GPC5: variants seen among roughly 807,000 people sequenced by gnomAD.
The protein encoded by GPC5 is glypican 5.
Under a neutral mutation model 53.9 loss-of-function variants are expected in GPC5, and 47 were observed. The observed-to-expected ratio is 0.87, with a 90% CI of 0.69 to 1.11. The LOEUF (loss-of-function observed/expected upper bound fraction) is 1.11. Among genes scored for constraint, GPC5 ranks in the 50% most tolerant of loss-of-function variants. The pLI is 0.00. For synonymous variants in GPC5, 286 were observed against 263.3 expected (o/e 1.09, Z -0.84); for missense variants, 748 against 713.1 (o/e 1.05, Z -0.56).
chr13:92,033,203 G>A (rs2040867859), intron 6 of GPC5, among the ~76,000 whole-genome samples: 1 of 152,122 alleles, frequency 6.6e-6, no homozygotes, highest in South Asian at 2.1e-4. Flanking sequence ...ATTTGATTTT[G>A]TTCAAAATCT....
intron 7 of GPC5, among the ~76,000 whole-genome samples, chr13:92,653,065 A>C (rs2007557): frequency 6.6e-6 from 1 of 152,014 alleles, no homozygotes; most frequent in Admixed American, 6.5e-5. Flanking sequence ...CCTAGGACTC[A>C]CCAACACTGG....
At chr13:92,614,591 C>A (rs530955459) in intron 7 of GPC5, among the ~76,000 whole-genome samples, 1 of 152,136 alleles carries the variant, frequency 6.6e-6, no homozygotes, top group African/African-American at 2.4e-5. Flanking sequence ...CAGAGAAAAC[C>A]ATCCGCTTAC....
At chr13:91,631,538 A>G (rs960870310) in intron 2 of GPC5, among the ~76,000 whole-genome samples, 3 of 152,088 alleles carry the variant, frequency 2.0e-5, no homozygotes, top group African/African-American at 7.2e-5. Flanking sequence ...TGCTTTGGTT[A>G]AAAAATATCT....
rs145356165 is a variant in GPC5 at position 92,775,618 on chromosome 13, T to C, written c.1562-90664T>C. Among the ~76,000 whole-genome samples, 257 of 152,268 alleles carry C rather than the reference T, an allele frequency of 1.7e-3. 3 individuals carry two copies. The highest frequency in any genetic ancestry group is 0.011 in the South Asian group (51 of 4,830). The stretch of plus-strand genomic sequence containing the variant: ...CTTAGTTAAGTGACTTCAATCACAA[T>C]ACCTCCTTCCTCTCCTTTCCCTCAT... On this transcript the variant is annotated intron_variant, in intron 7 of 7. Transcript: ENST00000377067.
intron 1 of GPC5, among the ~76,000 whole-genome samples, chr13:91,402,098 T>G (rs531961973): frequency 2.0e-5 from 3 of 152,316 alleles, no homozygotes; most frequent in Admixed American, 2.0e-4. Flanking sequence ...GCATTGTGCA[T>G]TGTTCACACA....
chr13:92,752,956 A>C (rs1874652484), intron 7 of GPC5, among the ~76,000 whole-genome samples: 1 of 152,200 alleles, frequency 6.6e-6, no homozygotes, highest in Non-Finnish European at 1.5e-5. Context: ...CAAACAAAGC[A>C]GCCAGGAAGC....
chr13:91,693,488 A>G lies in GPC5; in HGVS notation c.627A>G (p.Gln209=). The change falls in exon 3 of 8, where the codon CAA becomes CAG. Residue 209 remains glutamine, a synonymous_variant. Coordinates refer to ENST00000377067, the MANE Select transcript of GPC5 (RefSeq NM_004466.6). ...RDVSPFGNIP[Q]RVMGQMGRSL... is the part of the protein sequence containing the mutation. ...TGAGTCCATTTGGTAATATTCCCCA[A>G]AGAGTAATGGGACAGATGGGGAGGT... is the stretch of plus-strand genomic sequence containing the variant. 1.2e-6 allele frequency: 2 copies of G among 1,614,034 alleles called. No homozygotes were observed. Among genetic ancestry groups the G allele is most frequent in the Non-Finnish European group, 1.7e-6 (2 of 1,179,998 alleles).
intron 7 of GPC5, among the ~76,000 whole-genome samples, chr13:92,398,551 G>A (rs912008425): frequency 1.3e-5 from 2 of 149,422 alleles, no homozygotes; most frequent in Non-Finnish European, 3.0e-5. Context: ...TTCTTTAGAT[G>A]TTTAGAATAA....
At chr13:91,766,661 G>C (rs544995727) in intron 5 of GPC5, among the ~76,000 whole-genome samples, 1 of 152,156 alleles carries the variant, frequency 6.6e-6, no homozygotes, top group Non-Finnish European at 1.5e-5. Flanking sequence ...AGGAGTTCGA[G>C]ACCAGCCTGA....
intron 7 of GPC5, among the ~76,000 whole-genome samples, chr13:92,430,669 G>A (rs1422477204): frequency 1.3e-5 from 2 of 152,136 alleles, no homozygotes; most frequent in African/African-American, 4.8e-5. Context: ...AAAAATTCAA[G>A]AGCAGAAATG....
intron 7 of GPC5, among the ~76,000 whole-genome samples, chr13:92,483,952 A>G (rs1023422908): frequency 2.0e-5 from 3 of 152,112 alleles, no homozygotes; most frequent in Non-Finnish European, 4.4e-5. Context: ...CCAGGACAAC[A>G]TAGCAAAACC....
chr13:92,085,449 G>A (rs1455519138), intron 6 of GPC5, among the ~76,000 whole-genome samples: 1 of 152,162 alleles, frequency 6.6e-6, no homozygotes, highest in Non-Finnish European at 1.5e-5. Flanking sequence ...ATGAGTGGAA[G>A]AACAGACTCT....
intron 1 of GPC5, among the ~76,000 whole-genome samples, chr13:91,427,159 C>T (rs1056276902): frequency 7.9e-5 from 12 of 152,206 alleles, no homozygotes; most frequent in African/African-American, 2.9e-4. Context: ...GGAGCCCCCA[C>T]ACAGAGTCTC....
At chr13:92,497,126 AT>A (rs1566616454) in intron 7 of GPC5, among the ~76,000 whole-genome samples, 2 of 151,718 alleles carry the variant, frequency 1.3e-5, no homozygotes, top group African/African-American at 4.8e-5. Context: ...CCATTTGTCA[AT>A]TTTCGCTTTT....
intron 7 of GPC5, among the ~76,000 whole-genome samples, chr13:92,622,518 T>C (rs368614206): frequency 6.0e-4 from 92 of 152,320 alleles, no homozygotes; most frequent in African/African-American, 2.1e-3. Context: ...TGAGGCACCC[T>C]ACTCTCCTAT....
chr13:92,108,355 C>A (rs1045708957), intron 6 of GPC5, among the ~76,000 whole-genome samples: 44 of 152,130 alleles, frequency 2.9e-4, no homozygotes, highest in African/African-American at 1.1e-3. Flanking sequence ...ATTCTGAAAA[C>A]CATACTTCAA....
At chr13:91,446,750 C>A (rs1880835315) in intron 1 of GPC5, among the ~76,000 whole-genome samples, 1 of 152,158 alleles carries the variant, frequency 6.6e-6, no homozygotes, top group Non-Finnish European at 1.5e-5. Context: ...GATATAGTAA[C>A]TTAGGGAACA....
chr13:92,052,400 G>A (rs1026109861), intron 6 of GPC5, among the ~76,000 whole-genome samples: 9 of 152,130 alleles, frequency 5.9e-5, no homozygotes, highest in South Asian at 4.1e-4. Context: ...TGTGAAGAGC[G>A]AAAGAACAAA....
intron 7 of GPC5, among the ~76,000 whole-genome samples, chr13:92,280,752 A>G (rs9516033): frequency 0.086 from 13,010 of 152,128 alleles, 617 homozygotes; most frequent in Middle Eastern, 0.12. Flanking sequence ...AGAAAATATG[A>G]CGGGGTGCGG....
Sources: gnomAD v4.1 joint callset for allele counts (sites outside exome capture counted in the v4.1 genomes callset) on GRCh38, gnomAD v4.1.1 for gene constraint, MANE v1.5 for transcripts, NCBI Gene and HGNC (gene_info 2026-07-23, HGNC 2026-07-21) for gene names.